Variants in KALRN observed in about 807,000 individuals in gnomAD.
KALRN encodes the protein kalirin.
A neutral mutation model predicts 353.7 loss-of-function variants in KALRN; 70 were observed. That is an observed-to-expected ratio of 0.20 (90% confidence interval 0.16 to 0.24). The LOEUF is 0.24. Among genes scored for constraint, KALRN ranks in the 10% least tolerant of loss-of-function variants. The pLI, the probability that KALRN is intolerant of heterozygous loss-of-function variation, is 1.00. For synonymous variants in KALRN, 1,391 were observed against 1,434.8 expected (o/e 0.97, Z 0.69); for missense variants, 2,791 against 3,756.7 (o/e 0.74, Z 6.72).
chr3:124,614,241 CTTATTTATTTATTTATTTAT>C (rs10666219), intron 34 of KALRN, among the ~76,000 whole-genome samples: 75 of 142,944 alleles, frequency 5.2e-4, no homozygotes, highest in South Asian at 2.3e-3. Flanking sequence ...TTCTAAAATT[CTTATTTATTTATTTATTTAT>C]TTATTTATTT....
At chr3:124,529,921 G>C (rs1400014908) in intron 33 of KALRN, among the ~76,000 whole-genome samples, 1 of 152,122 alleles carries the variant, frequency 6.6e-6, no homozygotes, top group Non-Finnish European at 1.5e-5. Context: ...CCCTCATTTG[G>C]TTTGCTTCAC....
rs1481967479 is a variant in KALRN, at chr3:124,696,125, T to C, written c.7578-9T>C. 1.9e-6 allele frequency: 3 copies of C among 1,613,502 alleles called. No homozygotes were observed. In the African/African-American group the frequency reaches 4.0e-5, roughly 22 times the overall value. On this transcript the variant is annotated splice_polypyrimidine_tract_variant and intron_variant, in intron 53 of 59. Coordinates refer to ENST00000682506, the MANE Select transcript of KALRN (RefSeq NM_001388419.1). The stretch of plus-strand genomic sequence containing the variant: ...TGGAGTCTGAAGAGCATCCTTTTGG[T>C]GTCCCTAGTGATTCTGGAGAAATCA...
intron 4 of KALRN, among the ~76,000 whole-genome samples, chr3:124,267,350 A>C (rs2073680993): frequency 6.6e-6 from 1 of 152,198 alleles, no homozygotes; most frequent in African/African-American, 2.4e-5. Context: ...CTGCCTCAAT[A>C]GGTCTGGGGT....
chr3:124,097,495 G>C lies in KALRN; in HGVS notation c.73+63682G>C, dbSNP rs181125958. Among the ~76,000 whole-genome samples the C allele has an allele frequency of 2.0e-3, 311 of 152,336 alleles. 1 individual carries two copies. Among genetic ancestry groups the C allele is most frequent in the African/African-American group, 7.1e-3 (295 of 41,566 alleles). ...GGAGGGGATAGGAAATGAGAAGTGG[G>C]AACTGATGAGTTTATCCCAGGAAAT... On this transcript the variant is annotated intron_variant, in intron 1 of 59. Coordinates refer to ENST00000682506, the MANE Select transcript of KALRN (RefSeq NM_001388419.1).
rs535031746 is a variant in KALRN at position 124,461,417 on chromosome 3, G to T, written c.3855-473G>T. On this transcript the variant is annotated intron_variant, in intron 23 of 59. Coordinates refer to ENST00000682506, the MANE Select transcript of KALRN (RefSeq NM_001388419.1). ...ACCTCTTTTCCTGGCTTTGAAACCTGGTTTATTATGATACTAAGAACTGTT... is the reference window on the plus strand; with the variant it reads ...ACCTCTTTTCCTGGCTTTGAAACCTTGTTTATTATGATACTAAGAACTGTT... 1.5e-3 allele frequency among the ~76,000 whole-genome samples: 228 copies of T among 151,496 alleles called. 1 individual carries two copies. Among genetic ancestry groups the T allele is most frequent in the South Asian group, 0.013 (62 of 4,730 alleles).
intron 1 of KALRN, among the ~76,000 whole-genome samples, chr3:124,198,377 T>C (rs1487094508): frequency 1.3e-5 from 2 of 152,258 alleles, no homozygotes; most frequent in African/African-American, 4.8e-5. Context: ...AAGTTTATTG[T>C]ATTAGATTTC....
intron 51 of KALRN, among the ~76,000 whole-genome samples, chr3:124,687,450 G>A (rs1315741729): frequency 6.6e-6 from 1 of 152,058 alleles, no homozygotes; most frequent in Non-Finnish European, 1.5e-5. Context: ...TTGTGAGATG[G>A]GTGATAGATG....
chr3:124,204,433 C>T (rs1437717261), intron 1 of KALRN, among the ~76,000 whole-genome samples: 1 of 152,198 alleles, frequency 6.6e-6, no homozygotes, highest in Non-Finnish European at 1.5e-5. Flanking sequence ...GGATTATTCT[C>T]CACATGTGGA....
intron 5 of KALRN, among the ~76,000 whole-genome samples, chr3:124,276,704 G>C (rs1246915007): frequency 2.6e-5 from 4 of 152,192 alleles, no homozygotes; most frequent in Non-Finnish European, 5.9e-5. Flanking sequence ...TTCTGGCCCA[G>C]CCCTTCCTTT....
intron 13 of KALRN, among the ~76,000 whole-genome samples, chr3:124,412,959 T>C (rs112485638): frequency 1.1e-4 from 17 of 152,346 alleles, no homozygotes; most frequent in South Asian, 2.1e-4. Flanking sequence ...GTTTCTGTTT[T>C]TGAAATACTA....
In KALRN at chr3:124,113,249, T is replaced by A. The variant is rs76255889; in HGVS notation, c.73+79436T>A. 5.2e-3 allele frequency among the ~76,000 whole-genome samples: 798 copies of A among 152,340 alleles called. 38 individuals are homozygous for A. In the East Asian group the frequency reaches 0.12, roughly 23 times the overall value. On this transcript the variant is annotated intron_variant, in intron 1 of 59. Coordinates refer to ENST00000682506, the MANE Select transcript of KALRN (RefSeq NM_001388419.1). ...TCTGTAAGATGCCAATAATATCCTA[T>A]GTTTACCTTATAGTGTTATTGTAAG... is the stretch of plus-strand genomic sequence containing the variant.
In KALRN at chr3:124,226,798, T is replaced by C. The variant is rs890925597; in HGVS notation, c.74-1192T>C. ...GATTGTCCTGCCCAGCATGTTGTTT[T>C]CCTCTGTCAATTGTCAAATTTGGAC... On this transcript the variant is annotated intron_variant, in intron 1 of 59. Coordinates refer to ENST00000682506, the MANE Select transcript of KALRN (RefSeq NM_001388419.1). 4.6e-5 allele frequency among the ~76,000 whole-genome samples: 7 copies of C among 152,280 alleles called. No individual in the cohort carries two copies. In the South Asian group the frequency reaches 1.2e-3, roughly 27 times the overall value.
chr3:124,218,597 G>A (rs1284989719), intron 1 of KALRN, among the ~76,000 whole-genome samples: 1 of 152,162 alleles, frequency 6.6e-6, no homozygotes, highest in East Asian at 1.9e-4. Flanking sequence ...AGGTAACCTG[G>A]TGAGTTAGAA....
intron 34 of KALRN, among the ~76,000 whole-genome samples, chr3:124,601,614 T>C (rs551855433): frequency 6.6e-6 from 1 of 152,354 alleles, no homozygotes; most frequent in African/African-American, 2.4e-5. Context: ...CCTTTATATG[T>C]ATGTATTAGT....
intron 35 of KALRN, among the ~76,000 whole-genome samples, chr3:124,633,334 G>A (rs938513252): frequency 2.0e-5 from 3 of 152,204 alleles, no homozygotes; most frequent in Non-Finnish European, 4.4e-5. Context: ...GTAACCAAAA[G>A]ACAGTGGATA....
At chr3:124,349,188 C>T (rs562757134) in intron 10 of KALRN, among the ~76,000 whole-genome samples, 151 of 152,176 alleles carry the variant, frequency 9.9e-4, no homozygotes, top group African/African-American at 3.5e-3. Flanking sequence ...CATGGAGGAA[C>T]CTTGAAGACA....
chr3:124,125,075 A>G (rs1435880542), intron 1 of KALRN, among the ~76,000 whole-genome samples: 1 of 152,228 alleles, frequency 6.6e-6, no homozygotes, highest in Non-Finnish European at 1.5e-5. Flanking sequence ...GTACAACCCT[A>G]GTTCAGAACC....
intron 51 of KALRN, among the ~76,000 whole-genome samples, chr3:124,681,020 G>T (rs1339683694): frequency 2.0e-5 from 3 of 152,172 alleles, no homozygotes; most frequent in African/African-American, 7.2e-5. Flanking sequence ...TTGCCAGCAT[G>T]TATTATAGAT....
intron 1 of KALRN, among the ~76,000 whole-genome samples, chr3:124,109,090 T>C (rs191193876): frequency 6.6e-6 from 1 of 152,308 alleles, no homozygotes; most frequent in Non-Finnish European, 1.5e-5. Context: ...AGGCTCAACA[T>C]CATCACTAGC....
Sources: gnomAD v4.1 joint callset for allele counts (sites outside exome capture counted in the v4.1 genomes callset) on GRCh38, gnomAD v4.1.1 for gene constraint, MANE v1.5 for transcripts, NCBI Gene and HGNC (gene_info 2026-07-23, HGNC 2026-07-21) for gene names.